Variants in TRIP12 observed in about 807,000 individuals in gnomAD.
TRIP12 encodes the protein thyroid hormone receptor interactor 12.
A neutral mutation model predicts 244.2 loss-of-function variants in TRIP12; 25 were observed. The ratio of observed to expected loss-of-function variants is 0.10; its 90% CI spans 0.07 to 0.14. TRIP12 has a LOEUF of 0.14. TRIP12 is among the 10% of genes least tolerant of loss of function. TRIP12 has a pLI of 1.00. For missense variants in TRIP12, 1,677 were observed against 2,486.4 expected (o/e 0.67, Z 6.92); for synonymous variants, 905 against 873.1 (o/e 1.04, Z -0.64).
At chr2:229,872,326 G>A (rs933673911) in intron 2 of TRIP12, among the ~76,000 whole-genome samples, 2 of 152,142 alleles carry the variant, frequency 1.3e-5, no homozygotes, top group African/African-American at 4.8e-5. Context: ...CACTTTGGGA[G>A]GCCAAGAGGG....
At chr2:229,867,469 T>A (rs1248930767) in intron 2 of TRIP12, among the ~76,000 whole-genome samples, 1 of 152,018 alleles carries the variant, frequency 6.6e-6, no homozygotes, top group East Asian at 1.9e-4. Context: ...CCGGCCAAAA[T>A]AAATGTCTGA....
At position 229,873,002 on chromosome 2, in the gene TRIP12, A is replaced by G. The variant is rs1011700213; in HGVS notation, c.98+6980T>C. On this transcript the variant is annotated intron_variant, in intron 2 of 41. Transcript: ENST00000675903. ...TCAGTTCTCCTGTACAGTGGTACAA[A>G]GGGAGATTAATAACAAATACAAAGA... Among the ~76,000 whole-genome samples, 29 of 152,248 alleles carry G rather than the reference A, an allele frequency of 1.9e-4. 1 individual carries two copies. Among genetic ancestry groups the G allele is most frequent in the Admixed American group, 6.5e-5 (1 of 15,284 alleles).
chr2:229,884,940 A>G (rs1392968406), intron 1 of TRIP12, among the ~76,000 whole-genome samples: 1 of 152,224 alleles, frequency 6.6e-6, no homozygotes, highest in Non-Finnish European at 1.5e-5. Flanking sequence ...ACTGCACTCC[A>G]GTCTGGGTAA....
chr2:229,885,642 G>A (rs1213971276), intron 1 of TRIP12, among the ~76,000 whole-genome samples: 2 of 152,178 alleles, frequency 1.3e-5, no homozygotes, highest in Non-Finnish European at 2.9e-5. Context: ...TATAAAAGAA[G>A]TCATTCTTGC....
chr2:229,847,439 A>G (rs2057791758), intron 4 of TRIP12, among the ~76,000 whole-genome samples: 1 of 152,234 alleles, frequency 6.6e-6, no homozygotes, highest in African/African-American at 2.4e-5. Context: ...TAAAGACAGA[A>G]GACTTAACAC....
At chr2:229,905,303 A>G (rs2072415822) in intron 1 of TRIP12, among the ~76,000 whole-genome samples, 1 of 152,126 alleles carries the variant, frequency 6.6e-6, no homozygotes, top group South Asian at 2.1e-4. Context: ...TGTATTTAAA[A>G]AGACTCTTCA....
chr2:229,797,285 C>T (rs961964189), intron 24 of TRIP12, among the ~76,000 whole-genome samples: 19 of 151,960 alleles, frequency 1.3e-4, no homozygotes, highest in African/African-American at 4.1e-4. Flanking sequence ...CCAGATGAAA[C>T]GTAAAACACT....
chr2:229,877,818 T>G (rs2063909800), intron 2 of TRIP12, among the ~76,000 whole-genome samples: 1 of 152,208 alleles, frequency 6.6e-6, no homozygotes, highest in African/African-American at 2.4e-5. Flanking sequence ...ACAGCACACG[T>G]TATAAGTGTG....
Position 229,865,349 on chromosome 2 carries a change from AAAGAAAGC to A in TRIP12, c.99-4826_99-4819del, listed in dbSNP as rs1559968181. On this transcript the variant is annotated intron_variant, in intron 2 of 41. Coordinates refer to ENST00000675903, the MANE Select transcript of TRIP12 (RefSeq NM_001348323.3). ...AAAAAAAAAAAAAAAAAAAAGAAAG[AAAGAAAGC>A]AAAATGCTGTCTCAATGTTAGGAAA... is the stretch of plus-strand genomic sequence containing the variant. 2.2e-4 allele frequency among the ~76,000 whole-genome samples: 4 copies of A among 18,456 alleles called. 1 individual carries two copies. The highest frequency in any genetic ancestry group is 2.5e-3 in the East Asian group (1 of 398). 12.1% of individuals were successfully genotyped at this position (18,456 alleles called of 152,430 possible). A position where few individuals can be genotyped will look rare whatever the true frequency, so the allele number is the denominator to read the frequency against.
chr2:229,786,654 T>G (rs1429771259), intron 33 of TRIP12, among the ~76,000 whole-genome samples: 1 of 147,484 alleles, frequency 6.8e-6, no homozygotes, highest in Admixed American at 7.0e-5. Context: ...CCTGACCTCA[T>G]GATCCGCCCG....
Position 229,778,671 on chromosome 2 carries a change from T to C in TRIP12, c.5210-84A>G, listed in dbSNP as rs2037089403. 1 of 1,542,188 alleles carries C rather than the reference T, an allele frequency of 6.5e-7. No homozygotes were observed. Among genetic ancestry groups the C allele is most frequent in the Non-Finnish European group, 8.7e-7 (1 of 1,143,428 alleles). ...TGGTAACTAAGAACATTTAAGAAAT[T>C]AAGCATTCTCAAAATTGGAGTGCAG... On this transcript the variant is annotated intron_variant, in intron 35 of 41. Coordinates refer to ENST00000675903, the MANE Select transcript of TRIP12 (RefSeq NM_001348323.3). This position sits in a 1 kb window ranked among gnomAD's most constrained non-coding sequence, Gnocchi z 4.1.
intron 8 of TRIP12, among the ~76,000 whole-genome samples, chr2:229,819,604 C>T (rs537159231): frequency 6.6e-6 from 1 of 152,276 alleles, no homozygotes; most frequent in East Asian, 1.9e-4. Context: ...TTTTCATGGA[C>T]ACTTTCCTAC....
chr2:229,836,739 C>A, intron 6 of TRIP12, 109 bp downstream of exon 6: 1 of 1,298,602 alleles, frequency 7.7e-7, no homozygotes, highest in South Asian at 1.6e-5. Flanking sequence ...TAAAACAAAA[C>A]AGAACAAGAA....
chr2:229,894,854 C>T (rs1203569316), intron 1 of TRIP12, among the ~76,000 whole-genome samples: 1 of 152,098 alleles, frequency 6.6e-6, no homozygotes, highest in Non-Finnish European at 1.5e-5. Context: ...TGCCATGTTT[C>T]CTAAAAAAAC....
rs1272666824 is a variant in TRIP12, at chr2:229,769,474, T to A, written c.5809-149A>T. ...CCTCTTTCCAAAAAAAAAAAAATAATAATAAAATAAAATAAAATTTAGAGA... is the reference window on the plus strand; with the variant it reads ...CCTCTTTCCAAAAAAAAAAAAATAAAAATAAAATAAAATAAAATTTAGAGA... On this transcript the variant is annotated intron_variant, in intron 39 of 41. Transcript: ENST00000675903. The A allele has an allele frequency of 7.6e-5, 30 of 395,370 alleles. 1 individual carries two copies. The highest frequency in any genetic ancestry group is 1.7e-4 in the African/African-American group (8 of 46,992). 24.5% of individuals were successfully genotyped at this position (395,370 alleles called of 1,614,324 possible). A position where few individuals can be genotyped will look rare whatever the true frequency, so the allele number is the denominator to read the frequency against.
At chr2:229,810,844 T>C (rs2154278484) in intron 15 of TRIP12, 36 bp downstream of exon 15, 1 of 1,602,104 alleles carries the variant, frequency 6.2e-7, no homozygotes, top group Non-Finnish European at 8.5e-7. Flanking sequence ...GAACCAACTT[T>C]TCCTGCTTAA....
intron 4 of TRIP12, among the ~76,000 whole-genome samples, chr2:229,857,932 T>G (rs1314243207): frequency 6.6e-6 from 1 of 152,214 alleles, no homozygotes; most frequent in Non-Finnish European, 1.5e-5. Flanking sequence ...TAGTGAAACA[T>G]AAGTAGTATT....
chr2:229,818,561 T>A (rs190991139), intron 8 of TRIP12, 49 bp from the exon 9 acceptor site: 1 of 1,543,226 alleles, frequency 6.5e-7, no homozygotes, highest in African/African-American at 1.4e-5. Context: ...AGAAAATTAT[T>A]ACTAGGTATA....
At chr2:229,803,775 C>A in intron 19 of TRIP12, 86 bp from the exon 20 acceptor site, 1 of 1,026,588 alleles carries the variant, frequency 9.7e-7, no homozygotes, top group Non-Finnish European at 1.5e-6. Flanking sequence ...GAGAGCAAAG[C>A]ATTTTCATTG....
Sources: allele counts gnomAD v4.1 joint callset (sites outside exome capture counted in the v4.1 genomes callset), GRCh38; gene constraint gnomAD v4.1.1; non-coding constraint Gnocchi (gnomAD v3.1); transcripts MANE v1.5; gene names NCBI Gene and HGNC (gene_info 2026-07-23, HGNC 2026-07-21).